The following KLF12 variants were observed in gnomAD, a reference collection of about 807,000 sequenced individuals.
KLF12 encodes the protein KLF transcription factor 12.
KLF12 carries 9 observed loss-of-function variants against 37.8 expected under a neutral mutation model. That is an observed-to-expected ratio of 0.24 (90% CI 0.14 to 0.42). The LOEUF (loss-of-function observed/expected upper bound fraction) is 0.42, where lower values mean the gene tolerates loss of function less well. Ranked by LOEUF, KLF12 falls within the 10% of genes least tolerant of loss-of-function variation. The pLI is 1.00. For synonymous variants in KLF12, 208 were observed against 202.1 expected (o/e 1.03, Z -0.25); for missense variants, 411 against 516.0 (o/e 0.80, Z 1.97).
chr13:73,837,387 G>A (rs911493457), intron 4 of KLF12, among the ~76,000 whole-genome samples: 1 of 152,306 alleles, frequency 6.6e-6, no homozygotes, highest in Middle Eastern at 3.4e-3. Flanking sequence ...AGATAAACAA[G>A]AGCGTAAGAA....
chr13:73,882,118 T>G (rs1462118740), intron 3 of KLF12, among the ~76,000 whole-genome samples: 6 of 152,178 alleles, frequency 3.9e-5, no homozygotes, highest in Non-Finnish European at 7.4e-5. Context: ...TATGCTTGAT[T>G]AGAACAGCTT....
intron 2 of KLF12, among the ~76,000 whole-genome samples, chr13:73,965,240 A>G (rs17061773): frequency 0.043 from 6,563 of 152,270 alleles, 294 homozygotes; most frequent in African/African-American, 0.11. Context: ...TAATAGGTCA[A>G]TGCTGCCACC....
chr13:74,175,345 T>G, the KLF12 span, among the ~76,000 whole-genome samples: 1 of 152,200 alleles, frequency 6.6e-6, no homozygotes, highest in Non-Finnish European at 1.5e-5. Flanking sequence ...GAATGACATG[T>G]ATGTCCCACT....
chr13:74,200,592 C>G, the KLF12 span, among the ~76,000 whole-genome samples: 3 of 152,022 alleles, frequency 2.0e-5, no homozygotes, highest in Non-Finnish European at 4.4e-5. Context: ...AGATGATAGT[C>G]AAGATCTTCC....
chr13:73,970,472 C>T (rs922585542), intron 2 of KLF12, among the ~76,000 whole-genome samples: 10 of 151,954 alleles, frequency 6.6e-5, no homozygotes, highest in Non-Finnish European at 2.9e-5. Context: ...TCTAAGAGTT[C>T]TGACTTCCTG....
At chr13:73,751,403 T>C (rs1376533447) in intron 6 of KLF12, among the ~76,000 whole-genome samples, 1 of 152,132 alleles carries the variant, frequency 6.6e-6, no homozygotes, top group Non-Finnish European at 1.5e-5. Context: ...TGCCAACATC[T>C]GTTGACTTTT....
At chr13:74,139,910 ATAATT>A in the KLF12 span, among the ~76,000 whole-genome samples, 2 of 152,082 alleles carry the variant, frequency 1.3e-5, no homozygotes, top group African/African-American at 4.8e-5. Flanking sequence ...CTCCATGGAA[ATAATT>A]TAATTCCACT....
chr13:73,729,946 T>G (rs895421622), intron 6 of KLF12, among the ~76,000 whole-genome samples: 2 of 152,090 alleles, frequency 1.3e-5, no homozygotes, highest in Non-Finnish European at 1.5e-5. Flanking sequence ...ATCTACGACA[T>G]GTGGAAGTGT....
chr13:73,878,775 G>A (rs1362611853), intron 3 of KLF12, among the ~76,000 whole-genome samples: 3 of 152,174 alleles, frequency 2.0e-5, no homozygotes, highest in African/African-American at 7.2e-5. Context: ...TAAGGATGGT[G>A]TCCTTGTGGA....
the KLF12 span, among the ~76,000 whole-genome samples, chr13:74,193,180 A>G: frequency 2.8e-4 from 43 of 151,990 alleles, no homozygotes; most frequent in East Asian, 6.0e-3. Context: ...GGTTTTTGCC[A>G]TATTGGCCAG....
intron 1 of KLF12, among the ~76,000 whole-genome samples, chr13:74,132,520 C>T (rs1182506031): frequency 6.6e-6 from 1 of 152,136 alleles, no homozygotes; most frequent in African/African-American, 2.4e-5. Context: ...TTATCTAAAA[C>T]AATCCATACA....
chr13:73,721,269 T>A (rs1037329426), intron 6 of KLF12, among the ~76,000 whole-genome samples: 6 of 152,194 alleles, frequency 3.9e-5, no homozygotes, highest in African/African-American at 1.4e-4. Flanking sequence ...CAATTTTAAT[T>A]ACAATGTTAT....
intron 1 of KLF12, among the ~76,000 whole-genome samples, chr13:74,076,248 T>C (rs1874555125): frequency 3.3e-5 from 5 of 152,224 alleles, no homozygotes; most frequent in Admixed American, 3.3e-4. Flanking sequence ...GTTTTCATAA[T>C]TGCACATCTT....
At chr13:73,787,461 TTAAA>T (rs67074393) in intron 5 of KLF12, among the ~76,000 whole-genome samples, 23,816 of 152,128 alleles carry the variant, frequency 0.16, 2,312 homozygotes, top group African/African-American at 0.29. Context: ...CAATTATTGA[TTAAA>T]TAATCAGTAA....
Position 73,692,409 on chromosome 13 carries a change from T to C in KLF12, c.*3081A>G, listed in dbSNP as rs911047264. 1 of 152,598 alleles carries C rather than the reference T, an allele frequency of 6.6e-6. No homozygotes were observed. Among genetic ancestry groups the C allele is most frequent in the African/African-American group, 2.4e-5 (1 of 41,464 alleles). The allele number at this position is 152,598 out of a possible 1,614,324, so 9.5% of individuals were successfully genotyped here. On this transcript the variant is annotated 3_prime_UTR_variant, in exon 8 of 8. Transcript: ENST00000377669. ...AGGTCTACTGCAGCTGCTTAAGTAG[T>C]TAATGGCTCTATGTGTATAAGTTCC...
At chr13:74,133,606 T>A (rs1202070298) in intron 1 of KLF12, among the ~76,000 whole-genome samples, 1 of 146,436 alleles carries the variant, frequency 6.8e-6, no homozygotes, top group East Asian at 2.0e-4. Context: ...CCAACCAAAA[T>A]GATTTAACTT....
chr13:74,299,701 G>A, the KLF12 span, among the ~76,000 whole-genome samples: 1 of 152,274 alleles, frequency 6.6e-6, no homozygotes, highest in African/African-American at 2.4e-5. Flanking sequence ...TGCAGCATGG[G>A]CATGCCAGGG....
At chr13:74,230,323 G>A in the KLF12 span, among the ~76,000 whole-genome samples, 1 of 152,192 alleles carries the variant, frequency 6.6e-6, no homozygotes, top group African/African-American at 2.4e-5. Context: ...GCAGAACTGT[G>A]AGTCAGTTAA....
the KLF12 span, among the ~76,000 whole-genome samples, chr13:74,226,182 C>A: frequency 5.9e-5 from 9 of 152,014 alleles, no homozygotes; most frequent in East Asian, 1.4e-3. Flanking sequence ...AGATAGAAAA[C>A]AAATGTAATA....
Sources: gnomAD v4.1 joint callset for allele counts (sites outside exome capture counted in the v4.1 genomes callset) on GRCh38, gnomAD v4.1.1 for gene constraint, MANE v1.5 for transcripts, NCBI Gene and HGNC (gene_info 2026-07-23, HGNC 2026-07-21) for gene names.